The following PAX6 variants were observed in gnomAD, a reference collection of about 807,000 sequenced individuals.
The protein encoded by PAX6 is paired box 6, also known as paired box protein Pax-6.
A neutral mutation model predicts 60.7 loss-of-function variants in PAX6; 7 were observed. The ratio of observed to expected loss-of-function variants is 0.12; its 90% confidence interval spans 0.07 to 0.22. The LOEUF (loss-of-function observed/expected upper bound fraction) is 0.22, where lower values mean the gene tolerates loss of function less well. PAX6 is among the 10% of genes least tolerant of loss of function. The probability of loss-of-function intolerance (pLI) is 1.00; values close to 1 mark genes in which losing one functional copy is unlikely to be tolerated. For synonymous variants in PAX6, 208 were observed against 201.2 expected (o/e 1.03, Z -0.29); for missense variants, 355 against 555.2 (o/e 0.64, Z 3.62).
chr11:31,810,638 C>T (rs1185659444), intron 2 of PAX6, 190 bp downstream of exon 2: 6 of 381,674 alleles, frequency 1.6e-5, no homozygotes, highest in African/African-American at 6.2e-5. Flanking sequence ...CCGGCAGTCG[C>T]CCTCCGACGC....
rs1220817248 is a variant in PAX6, at chr11:31,802,788, C to T, written c.57G>A (p.Arg19=). The T allele has an allele frequency of 8.7e-6, 14 of 1,613,716 alleles. No homozygotes were observed. Among genetic ancestry groups the T allele is most frequent in the African/African-American group, 2.7e-5 (2 of 74,824 alleles). Residue 19 remains arginine (R), a synonymous_variant, in exon 5 of 14, where the codon CGG becomes CGA. Coordinates refer to ENST00000640368, the MANE Select transcript of PAX6 (RefSeq NM_001368894.2). ...NQLGGVFVNG[R]PLPDSTRQKI... ...TCTGCCGGGTGGAGTCCGGCAGTGGCCGCCCGTTGACAAAGACACCACCGA... is the reference window on the plus strand; with the variant it reads ...TCTGCCGGGTGGAGTCCGGCAGTGGTCGCCCGTTGACAAAGACACCACCGA...
intron 8 of PAX6, among the ~76,000 whole-genome samples, chr11:31,795,387 GCGCTT>G (rs1018823614): frequency 2.0e-5 from 3 of 152,190 alleles, no homozygotes; most frequent in African/African-American, 7.2e-5. Flanking sequence ...TTGTATGAGT[GCGCTT>G]CGCCTTGACA....
intron 2 of PAX6, chr11:31,808,821 G>A (rs1046647699): frequency 6.6e-6 from 1 of 152,224 alleles, no homozygotes; most frequent in Non-Finnish European, 1.5e-5. Flanking sequence ...CCCGGGAAGT[G>A]GGGCACATCG....
chr11:31,817,181 G>T (rs1479261340), intron 1 of PAX6, among the ~76,000 whole-genome samples: 1 of 152,264 alleles, frequency 6.6e-6, no homozygotes, highest in African/African-American at 2.4e-5. Context: ...TAATTATTAG[G>T]TCTTCCGAAG....
intron 5 of PAX6, 30 bp from the exon 6 acceptor site, chr11:31,801,942 A>ATATTTT: frequency 6.3e-7 from 1 of 1,586,690 alleles, no homozygotes; most frequent in Non-Finnish European, 8.7e-7. Flanking sequence ...CTTCAATGGT[A>ATATTTT]TGAGAACTTA....
Position 31,789,912 on chromosome 11 carries a change from C to CTTTTT in PAX6, c.*17_*21dup, listed in dbSNP as rs759391101. On this transcript the variant is annotated 3_prime_UTR_variant, in exon 14 of 14. Transcript: ENST00000640368. ...CTGAATTAACACAATATTTCCTTTCCTTTTTTTTTTTTTTTTTTTTTTTAC... is the reference window on the plus strand; with the variant it reads ...CTGAATTAACACAATATTTCCTTTCCTTTTTTTTTTTTTTTTTTTTTTTTTTTTAC... 1.4e-3 allele frequency: 1,497 copies of CTTTTT among 1,043,810 alleles called. 6 individuals carry two copies. Among genetic ancestry groups the CTTTTT allele is most frequent in the East Asian group, 4.6e-3 (177 of 38,652 alleles). The allele number at this position is 1,043,810 out of a possible 1,614,324, so 64.7% of individuals were successfully genotyped here.
chr11:31,808,762 G>T (rs1956419205), intron 2 of PAX6: 1 of 152,224 alleles, frequency 6.6e-6, no homozygotes, highest in African/African-American at 2.4e-5. Flanking sequence ...CTCTCGCTAA[G>T]AAGCTATCTA....
intron 9 of PAX6, chr11:31,794,418 CACCA>C (rs1418103044): frequency 1.2e-4 from 55 of 466,466 alleles, no homozygotes; most frequent in Middle Eastern, 1.1e-3. Flanking sequence ...CACACACACA[CACCA>C]CACACACACA....
chr11:31,809,506 GCA>G, intron 2 of PAX6: 1 of 152,218 alleles, frequency 6.6e-6, no homozygotes, highest in Non-Finnish European at 1.5e-5. Context: ...CCAGGTTTTA[GCA>G]CTCGAAAAAG....
At chr11:31,801,446 T>C (rs933943348) in intron 7 of PAX6, 115 bp downstream of exon 7, 1 of 1,576,056 alleles carries the variant, frequency 6.3e-7, no homozygotes, top group South Asian at 1.2e-5. Context: ...GAGACAAATG[T>C]GGAGCAGGGA....
Position 31,801,911 on chromosome 11 carries a change from G to A in PAX6, c.143C>T (p.Thr48Ile). 1 of 1,613,298 alleles carries A rather than the reference G, an allele frequency of 6.2e-7. No individual in the cohort carries two copies. The highest frequency in any genetic ancestry group is 8.5e-7 in the Non-Finnish European group (1 of 1,179,304). Residue 48 changes from threonine (T) to isoleucine (I), a missense_variant and splice_region_variant, in exon 6 of 14, where the codon ACC (threonine) becomes ATC (isoleucine). Coordinates refer to ENST00000640368, the MANE Select transcript of PAX6 (RefSeq NM_001368894.2). ...RPCDISRILQ[T>I]HADAKVQVLD... ...CACTTGGACTTTTGCATCTGCATGG[G>A]TCTATAACACAAAAATATACCTTCA... is the stretch of plus-strand genomic sequence containing the variant.
intron 1 of PAX6, chr11:31,817,682 C>T (rs1370484852): frequency 2.0e-5 from 3 of 152,274 alleles, no homozygotes; most frequent in Non-Finnish European, 4.4e-5. Flanking sequence ...TGTATGCCTC[C>T]TTTTAAAAGC....
chr11:31,795,267 C>A (rs1363867808), intron 8 of PAX6, among the ~76,000 whole-genome samples: 6 of 152,120 alleles, frequency 3.9e-5, no homozygotes, highest in African/African-American at 9.7e-5. Context: ...AGCTTGTAAT[C>A]TTTTTTAAAA....
intron 7 of PAX6, chr11:31,801,311 C>T (rs1953761032): frequency 7.0e-7 from 1 of 1,421,816 alleles, no homozygotes; most frequent in Non-Finnish European, 9.2e-7. Context: ...GTGCCTTTCC[C>T]TGGTGCCTCC....
rs763707989 is a variant in PAX6 at position 31,789,887 on chromosome 11, C to G, written c.*47G>C. The stretch of plus-strand genomic sequence containing the variant: ...ACTGTTGTGTCCCCATAGTCACTGA[C>G]TGAATTAACACAATATTTCCTTTCC... On this transcript the variant is annotated 3_prime_UTR_variant, in exon 14 of 14. Coordinates refer to ENST00000640368, the MANE Select transcript of PAX6 (RefSeq NM_001368894.2). 7.9e-6 allele frequency: 12 copies of G among 1,518,486 alleles called. No individual in the cohort carries two copies. In the East Asian group the frequency reaches 1.7e-4, roughly 21 times the overall value. The allele number at this position is 1,518,486 out of a possible 1,614,324, so 94.1% of individuals were successfully genotyped here.
At position 31,802,693 on chromosome 11, in the gene PAX6, G is replaced by A; in HGVS notation, c.141+11C>T. 15 of 1,609,122 alleles carry A rather than the reference G, an allele frequency of 9.3e-6. No homozygotes were observed. The highest frequency in any genetic ancestry group is 1.2e-5 in the Non-Finnish European group (14 of 1,177,424). ...CGGGGGCGGCGAGTGGGGCGGCGCC[G>A]GGAGGATCACCTGCAGAATTCGGGA... On this transcript the variant is annotated intron_variant, in intron 5 of 13. Transcript: ENST00000640368.
intron 8 of PAX6, among the ~76,000 whole-genome samples, chr11:31,800,198 A>C (rs1397769543): frequency 1.3e-5 from 2 of 151,932 alleles, no homozygotes; most frequent in South Asian, 4.2e-4. Context: ...CACCACTTCC[A>C]ATGCCCCATC....
chr11:31,813,652 A>T (rs1338268551), upstream of PAX6, among the ~76,000 whole-genome samples: 1 of 152,042 alleles, frequency 6.6e-6, no homozygotes, highest in African/African-American at 2.4e-5. Context: ...CACTGACGTC[A>T]TTGGGTGGGG....
intron 2 of PAX6, among the ~76,000 whole-genome samples, chr11:31,809,590 G>C (rs1337153096): frequency 1.3e-5 from 2 of 152,148 alleles, no homozygotes; most frequent in Admixed American, 6.5e-5. Context: ...CTATTATGGC[G>C]CAGGGAGACT....
Sources: allele counts gnomAD v4.1 joint callset (sites outside exome capture counted in the v4.1 genomes callset), GRCh38; gene constraint gnomAD v4.1.1; transcripts MANE v1.5; gene names NCBI Gene and HGNC (gene_info 2026-07-23, HGNC 2026-07-21).